Variants in PLXDC2 observed in about 807,000 individuals in gnomAD.
PLXDC2 encodes the protein plexin domain containing 2, also known as plexin domain-containing protein 2.
A neutral mutation model predicts 68.9 loss-of-function variants in PLXDC2; 40 were observed. The observed-to-expected ratio is 0.58, with a 90% CI of 0.45 to 0.76. The LOEUF (loss-of-function observed/expected upper bound fraction) is 0.76. Among genes scored for constraint, PLXDC2 ranks in the 30% least tolerant of loss-of-function variants. The pLI, the probability that PLXDC2 is intolerant of heterozygous loss-of-function variation, is 0.00. For missense variants in PLXDC2, 644 were observed against 661.9 expected (o/e 0.97, Z 0.30); for synonymous variants, 243 against 234.2 (o/e 1.04, Z -0.34).
intron 12 of PLXDC2, among the ~76,000 whole-genome samples, chr10:20,227,317 G>GA (rs1354154668): frequency 6.6e-6 from 1 of 151,978 alleles, no homozygotes; most frequent in Non-Finnish European, 1.5e-5. Context: ...ATAGAGTCAA[G>GA]AAAAACTATA....
At chr10:20,222,739 G>T (rs1287600610) in intron 12 of PLXDC2, among the ~76,000 whole-genome samples, 3 of 152,136 alleles carry the variant, frequency 2.0e-5, no homozygotes, top group African/African-American at 7.2e-5. Flanking sequence ...TGTAGTCCCA[G>T]CTACTCAGGA....
In PLXDC2 at chr10:19,839,186, C is replaced by CA. The variant is rs3043806; in HGVS notation, c.112+22014dup. Among the ~76,000 whole-genome samples the CA allele has an allele frequency of 7.6e-3, 766 of 100,870 alleles. 3 individuals are homozygous for CA. Among genetic ancestry groups the CA allele is most frequent in the Admixed American group, 9.1e-3 (96 of 10,520 alleles). 66.2% of individuals were successfully genotyped at this position (100,870 alleles called of 152,430 possible). ...GAGAGACAAGAGCGAAACTCAGTCTCAAAAAAAAAAAAAAAAAAAGTTACT... is the reference window on the plus strand; with the variant it reads ...GAGAGACAAGAGCGAAACTCAGTCTCAAAAAAAAAAAAAAAAAAAAGTTACT... On this transcript the variant is annotated intron_variant, in intron 1 of 13. Transcript: ENST00000377252.
intron 2 of PLXDC2, among the ~76,000 whole-genome samples, chr10:20,045,553 C>T (rs1247191201): frequency 6.6e-6 from 1 of 152,046 alleles, no homozygotes; most frequent in East Asian, 1.9e-4. Context: ...CTCTTTTAGT[C>T]ATGAGGCAAA....
intron 1 of PLXDC2, among the ~76,000 whole-genome samples, chr10:19,946,833 A>C (rs2055174554): frequency 6.6e-6 from 1 of 152,050 alleles, no homozygotes; most frequent in Non-Finnish European, 1.5e-5. Context: ...TCCTGTGAGA[A>C]TCAAGTGCCA....
chr10:20,236,960 T>G (rs775748806), intron 12 of PLXDC2, among the ~76,000 whole-genome samples: 1 of 152,046 alleles, frequency 6.6e-6, no homozygotes, highest in Admixed American at 6.6e-5. Flanking sequence ...TTATTCAGCT[T>G]TATTTTTCTA....
At chr10:20,066,347 A>G (rs1836211784) in intron 3 of PLXDC2, among the ~76,000 whole-genome samples, 1 of 152,158 alleles carries the variant, frequency 6.6e-6, no homozygotes, top group South Asian at 2.1e-4. Flanking sequence ...TTTGGTTGAT[A>G]TTTGGTGGTA....
At chr10:20,210,827 C>G (rs548626460) in intron 9 of PLXDC2, among the ~76,000 whole-genome samples, 2 of 152,256 alleles carry the variant, frequency 1.3e-5, no homozygotes, top group South Asian at 4.1e-4. Context: ...TAACAATGTG[C>G]AATAATACAC....
intron 6 of PLXDC2, among the ~76,000 whole-genome samples, chr10:20,149,782 G>A (rs1246856108): frequency 1.3e-5 from 2 of 152,016 alleles, no homozygotes; most frequent in Non-Finnish European, 2.9e-5. Context: ...AGTATTCCAT[G>A]GTGTATATGT....
intron 1 of PLXDC2, among the ~76,000 whole-genome samples, chr10:19,886,089 C>A (rs1204041992): frequency 6.6e-6 from 1 of 151,984 alleles, no homozygotes; most frequent in Admixed American, 6.6e-5. Context: ...AAGGTGGATT[C>A]CTAGGTATTT....
In PLXDC2 at chr10:20,289,018, T is replaced by C. The variant is rs1309376009; in HGVS notation, c.*9199T>C. The C allele has an allele frequency of 6.6e-6, 1 of 152,206 alleles. No individual in the cohort carries two copies. Among genetic ancestry groups the C allele is most frequent in the Non-Finnish European group, 1.5e-5 (1 of 68,038 alleles). 9.4% of individuals were successfully genotyped at this position (152,206 alleles called of 1,614,324 possible). On this transcript the variant is annotated 3_prime_UTR_variant, in exon 14 of 14. Coordinates refer to ENST00000377252, the MANE Select transcript of PLXDC2 (RefSeq NM_032812.9). ...GACTGCTGTCATATTTGACTACATA[T>C]TAAAAACAGTAAATGAGCATTTTGT...
chr10:20,220,694 G>T (rs1055948165), intron 12 of PLXDC2, among the ~76,000 whole-genome samples: 4 of 152,056 alleles, frequency 2.6e-5, no homozygotes, highest in African/African-American at 9.7e-5. Context: ...CTTGCTAATT[G>T]CCAAGCATTG....
chr10:20,267,264 ACTGAAGGC>A (rs1331954550), intron 13 of PLXDC2, among the ~76,000 whole-genome samples: 1 of 152,158 alleles, frequency 6.6e-6, no homozygotes, highest in Non-Finnish European at 1.5e-5. Context: ...GTTAAGGCTG[ACTGAAGGC>A]CATAGCTTCT....
At chr10:19,905,222 G>A (rs146873544) in intron 1 of PLXDC2, among the ~76,000 whole-genome samples, 223 of 152,282 alleles carry the variant, frequency 1.5e-3, no homozygotes, top group African/African-American at 5.2e-3. Flanking sequence ...GTGTATGAAT[G>A]GGTTCTTGGA....
chr10:19,983,323 C>A (rs1307489300), intron 1 of PLXDC2, among the ~76,000 whole-genome samples: 2 of 151,816 alleles, frequency 1.3e-5, no homozygotes, highest in East Asian at 1.9e-4. Flanking sequence ...GTTAATCTTG[C>A]GAAAAAGAAA....
At chr10:19,916,775 T>C (rs1179665024) in intron 1 of PLXDC2, among the ~76,000 whole-genome samples, 1 of 152,174 alleles carries the variant, frequency 6.6e-6, no homozygotes, top group Non-Finnish European at 1.5e-5. Context: ...CTGGCACCTA[T>C]TCAGTGCTTG....
intron 9 of PLXDC2, 125 bp downstream of exon 9, chr10:20,177,534 G>C (rs10827983): frequency 0.57 from 203,850 of 357,378 alleles, 59,057 homozygotes; most frequent in African/African-American, 0.64. Context: ...TTGAGAGAAA[G>C]TAGGAGGGAT....
chr10:19,915,864 A>AG (rs1491189041), intron 1 of PLXDC2, among the ~76,000 whole-genome samples: 1 of 102,928 alleles, frequency 9.7e-6, no homozygotes, highest in African/African-American at 6.7e-5. Context: ...CCAAAAAAAA[A>AG]GAAGAAGAAG....
intron 12 of PLXDC2, among the ~76,000 whole-genome samples, chr10:20,236,086 A>AT (rs1373238736): frequency 6.6e-6 from 1 of 152,048 alleles, no homozygotes; most frequent in Non-Finnish European, 1.5e-5. Context: ...GGGTACTAGG[A>AT]TTTTCTTTTT....
intron 9 of PLXDC2, among the ~76,000 whole-genome samples, chr10:20,189,655 A>T (rs61854621): frequency 0.22 from 33,220 of 150,132 alleles, 4,822 homozygotes; most frequent in Middle Eastern, 0.34. Flanking sequence ...TCAGTGCCGA[A>T]TCTATATGCT....
Sources: gnomAD v4.1 joint callset for allele counts (sites outside exome capture counted in the v4.1 genomes callset) on GRCh38, gnomAD v4.1.1 for gene constraint, MANE v1.5 for transcripts, NCBI Gene and HGNC (gene_info 2026-07-23, HGNC 2026-07-21) for gene names.